The following DMXL1 variants were observed in gnomAD, a reference collection of about 807,000 sequenced individuals.
The protein encoded by DMXL1 is dmX-like protein 1.
Under a neutral mutation model 319.2 loss-of-function variants are expected in DMXL1, and 99 were observed. The ratio of observed to expected loss-of-function variants is 0.31; its 90% confidence interval spans 0.26 to 0.37. DMXL1 has a LOEUF of 0.37. DMXL1 is among the 10% of genes least tolerant of loss of function. The probability of loss-of-function intolerance (pLI) is 1.00; values close to 1 mark genes in which losing one functional copy is unlikely to be tolerated. For missense variants in DMXL1, 3,745 were observed against 3,595.6 expected, an observed-to-expected ratio of 1.04 and a Z score of -1.06; for synonymous variants, 1,385 against 1,235.2, an observed-to-expected ratio of 1.12 and a Z score of -2.54.
chr5:119,089,274 ATACATATATATATATATATTTTTTTTTT>A (rs1253307052), intron 1 of DMXL1, among the ~76,000 whole-genome samples: 1 of 60,688 alleles, frequency 1.6e-5, no homozygotes, highest in Non-Finnish European at 3.0e-5. Flanking sequence ...ATATATATAT[ATACATATATATATATATATTTTTTTTTT>A]TTTTTTTTTT....
intron 26 of DMXL1, among the ~76,000 whole-genome samples, chr5:119,175,945 C>T (rs1019579746): frequency 3.9e-5 from 6 of 152,048 alleles, no homozygotes; most frequent in Non-Finnish European, 8.8e-5. Context: ...AGTATTGTCT[C>T]ATCTCTCTTC....
chr5:119,186,859 A>G (rs1777812078), intron 28 of DMXL1, among the ~76,000 whole-genome samples: 1 of 150,668 alleles, frequency 6.6e-6, no homozygotes, highest in Non-Finnish European at 1.5e-5. Context: ...ACAGTCTACT[A>G]TCTTGACATG....
At chr5:119,126,174 T>C (rs1763524898) in intron 9 of DMXL1, among the ~76,000 whole-genome samples, 1 of 152,070 alleles carries the variant, frequency 6.6e-6, no homozygotes. Flanking sequence ...TCCCAGCTAC[T>C]TGGGAGGCTG....
At chr5:119,204,862 G>T (rs1781480987) in intron 33 of DMXL1, among the ~76,000 whole-genome samples, 1 of 152,104 alleles carries the variant, frequency 6.6e-6, no homozygotes, top group African/African-American at 2.4e-5. Flanking sequence ...TAAATTGAAT[G>T]GCTTCACAAT....
chr5:119,147,281 G>T lies in DMXL1; in HGVS notation c.2722G>T (p.Val908Phe), dbSNP rs773033523. 36 of 1,613,174 alleles carry T rather than the reference G, an allele frequency of 2.2e-5. No individual in the cohort carries two copies. The highest frequency in any genetic ancestry group is 2.8e-5 in the Non-Finnish European group (33 of 1,179,630). ...AGTAGATACAAAATTATCCGAAGCG[G>T]TTTGGCAGCCAGAAGAACATTATTC... ...EKVDTKLSEAVWQPEEHYSSS... is the reference protein window; with the variant it reads ...EKVDTKLSEAFWQPEEHYSSS... Residue 908 changes from valine to phenylalanine, a missense_variant, in exon 17 of 44, where the codon GTT becomes TTT. Physicochemically the swap from Val to Phe is conservative, Grantham distance 50 (BLOSUM62 -1). This residue lies in a region of DMXL1 where 2,096 missense variants were observed against 1,985.4 expected (regional missense o/e 1.06). Transcript: ENST00000539542.
Position 119,123,110 on chromosome 5 carries a change from G to T in DMXL1, c.1102+1971G>T, listed in dbSNP as rs547123454. 2.0e-3 allele frequency among the ~76,000 whole-genome samples: 302 copies of T among 152,194 alleles called. 3 individuals carry two copies. Among genetic ancestry groups the T allele is most frequent in the African/African-American group, 6.9e-3 (286 of 41,542 alleles). On this transcript the variant is annotated intron_variant, in intron 9 of 43. Transcript: ENST00000539542. ...GTGGTTAGGAGCTGGAGACCGGCCC[G>T]GCCAACACAGCGAAATCCCGTCTCC...
chr5:119,225,763 C>A (rs1291112453), intron 38 of DMXL1, among the ~76,000 whole-genome samples: 1 of 152,022 alleles, frequency 6.6e-6, no homozygotes, highest in African/African-American at 2.4e-5. Context: ...AGAGGTATAA[C>A]ATAATATAAA....
intron 38 of DMXL1, among the ~76,000 whole-genome samples, chr5:119,228,357 A>G (rs576247921): frequency 1.3e-5 from 2 of 152,232 alleles, no homozygotes; most frequent in Non-Finnish European, 2.9e-5. Flanking sequence ...TAACATGGCC[A>G]TGACTAAAGA....
chr5:119,235,306 C>T (rs1265780026), intron 39 of DMXL1, among the ~76,000 whole-genome samples: 3 of 151,904 alleles, frequency 2.0e-5, no homozygotes, highest in Non-Finnish European at 4.4e-5. Context: ...TACATTTATA[C>T]AACAAGAACA....
At chr5:119,192,552 C>T (rs1455327002) in intron 29 of DMXL1, among the ~76,000 whole-genome samples, 1 of 152,190 alleles carries the variant, frequency 6.6e-6, no homozygotes, top group Admixed American at 6.5e-5. Context: ...GACCCAGTTA[C>T]ACCCGTTAAA....
intron 23 of DMXL1, among the ~76,000 whole-genome samples, chr5:119,169,848 TGAG>T (rs1774194240): frequency 6.6e-6 from 1 of 152,062 alleles, no homozygotes. Context: ...GTAGAGAAGA[TGAG>T]GAGGACTAGC....
At chr5:119,173,209 A>G (rs2150279897) in intron 25 of DMXL1, among the ~76,000 whole-genome samples, 1 of 152,126 alleles carries the variant, frequency 6.6e-6, no homozygotes, top group Admixed American at 6.6e-5. Flanking sequence ...GCGTAGTGGC[A>G]CATGCCTATA....
intron 26 of DMXL1, 111 bp downstream of exon 26, chr5:119,175,448 A>G: frequency 1.4e-6 from 1 of 733,922 alleles, no homozygotes; most frequent in Non-Finnish European, 2.1e-6. Context: ...ATAATGCAAA[A>G]AGCATATGGT....
rs560656697 is a variant in DMXL1 at position 119,115,132 on chromosome 5, C to T, written c.564+591C>T. Among the ~76,000 whole-genome samples the T allele has an allele frequency of 4.0e-5, 6 of 151,034 alleles. No individual in the cohort carries two copies. In the East Asian group the frequency reaches 1.2e-3, roughly 29 times the overall value. ...TAATCTTATTGAGCCTTTCTTTTCT[C>T]ATGTGTAATATGAGGATAAAAACAC... On this transcript the variant is annotated intron_variant, in intron 6 of 43. Coordinates refer to ENST00000539542, the MANE Select transcript of DMXL1 (RefSeq NM_001290321.3).
At chr5:119,087,125 A>G (rs892177034) in intron 1 of DMXL1, among the ~76,000 whole-genome samples, 1 of 151,604 alleles carries the variant, frequency 6.6e-6, no homozygotes, top group African/African-American at 2.4e-5. Flanking sequence ...TTTTCATTAA[A>G]AAGTTTCATT....
At chr5:119,138,192 AT>A (rs1214891958) in intron 13 of DMXL1, among the ~76,000 whole-genome samples, 1 of 152,210 alleles carries the variant, frequency 6.6e-6, no homozygotes, top group Middle Eastern at 3.2e-3. Flanking sequence ...AAATGGCCAA[AT>A]TCAAGATGTT....
chr5:119,207,749 T>A (rs1277895418), intron 34 of DMXL1, among the ~76,000 whole-genome samples: 1 of 152,186 alleles, frequency 6.6e-6, no homozygotes, highest in African/African-American at 2.4e-5. Context: ...GTCAAACTCC[T>A]GACCTCAGGT....
Position 119,143,936 on chromosome 5 carries a change from TATTA to T in DMXL1, c.2466+10_2466+13del. The T allele has an allele frequency of 6.5e-7, 1 of 1,547,772 alleles. No homozygotes were observed. The highest frequency in any genetic ancestry group is 8.7e-7 in the Non-Finnish European group (1 of 1,144,938). On this transcript the variant is annotated splice_region_variant and intron_variant, in intron 14 of 43. Coordinates refer to ENST00000539542, the MANE Select transcript of DMXL1 (RefSeq NM_001290321.3). ...TAGATCCCATTACCAAACTTGTAAG[TATTA>T]ATTTTGGGGGGGAGGTATATTAAAA...
At chr5:119,220,850 G>A (rs1253513757) in intron 36 of DMXL1, 90 bp from the exon 37 acceptor site, 1 of 1,450,144 alleles carries the variant, frequency 6.9e-7, no homozygotes, top group African/African-American at 1.4e-5. Context: ...TAATTTTAAA[G>A]GGAACTATAA....
Sources: gnomAD v4.1 joint callset for allele counts (sites outside exome capture counted in the v4.1 genomes callset) on GRCh38, gnomAD v4.1.1 for gene constraint, gnomAD v4.1.1 regional missense constraint, MANE v1.5 for transcripts, NCBI Gene and HGNC (gene_info 2026-07-23, HGNC 2026-07-21) for gene names.